UNC45B: variants seen among roughly 807,000 people sequenced by gnomAD.
UNC45B encodes the protein unc-45 myosin chaperone B.
Under a neutral mutation model 98.7 loss-of-function variants are expected in UNC45B, and 78 were observed. The observed-to-expected ratio is 0.79, with a 90% CI of 0.66 to 0.95. The LOEUF is 0.95. Ranked by LOEUF, UNC45B falls within the 40% of genes least tolerant of loss-of-function variation. The pLI is 0.00. For missense variants in UNC45B, 1,225 were observed against 1,184.9 expected (o/e 1.03, Z -0.50); for synonymous variants, 462 against 480.4 (o/e 0.96, Z 0.50).
intron 15 of UNC45B, 117 bp downstream of exon 15, chr17:35,176,151 C>A: frequency 2.0e-6 from 2 of 1,001,430 alleles, no homozygotes; most frequent in Non-Finnish European, 3.1e-6. Context: ...CAGTTATCTG[C>A]GCTGTCTGTG....
intron 10 of UNC45B, 102 bp from the exon 11 acceptor site, chr17:35,169,735 G>A (rs1380458742): frequency 3.1e-6 from 3 of 964,732 alleles, no homozygotes; most frequent in South Asian, 1.4e-5. Context: ...AAGAAAGAGG[G>A]GCGAAGTGTT....
Position 35,189,093 on chromosome 17 carries a change from T to C in UNC45B, c.*2534T>C, listed in dbSNP as rs938485891. 6.6e-6 allele frequency: 1 copy of C among 152,208 alleles called. No individual in the cohort carries two copies. Among genetic ancestry groups the C allele is most frequent in the Non-Finnish European group, 1.5e-5 (1 of 68,040 alleles). 9.4% of individuals were successfully genotyped at this position (152,208 alleles called of 1,614,324 possible). ...AATTCTCTTACAGAAAATCTATAAA[T>C]ATCTTAGAGGTATGTTTCTTAGTTT... On this transcript the variant is annotated 3_prime_UTR_variant, in exon 20 of 20. Transcript: ENST00000394570.
intron 5 of UNC45B, among the ~76,000 whole-genome samples, chr17:35,153,627 T>C (rs997295014): frequency 6.6e-6 from 1 of 152,168 alleles, no homozygotes; most frequent in Non-Finnish European, 1.5e-5. Context: ...TAGGCAAATA[T>C]CTTTCTTAAC....
At chr17:35,162,449 C>G (rs115360013) in intron 8 of UNC45B, among the ~76,000 whole-genome samples, 1 of 152,122 alleles carries the variant, frequency 6.6e-6, no homozygotes, top group South Asian at 2.1e-4. Context: ...TACTGCCAGG[C>G]GCTTTCTTTT....
At chr17:35,163,001 A>C (rs574713419) in intron 8 of UNC45B, among the ~76,000 whole-genome samples, 89 of 152,322 alleles carry the variant, frequency 5.8e-4, no homozygotes, top group African/African-American at 2.1e-3. Context: ...CTTTGAAATC[A>C]GACGGGATTG....
At position 35,170,117 on chromosome 17, in the gene UNC45B, G is replaced by A. The variant is rs1237412903; in HGVS notation, c.1551G>A (p.Trp517Ter). Residue 517 changes from tryptophan (W) to a stop codon, truncating the protein, a stop_gained, in exon 12 of 20, where the codon TGG becomes TGA. Coordinates refer to ENST00000394570, the MANE Select transcript of UNC45B (RefSeq NM_001267052.2). LOFTEE classifies it high-confidence loss of function. The stretch of plus-strand genomic sequence containing the variant: ...TGTGCTCCCTCCTCACTTCCAGGTG[G>A]CTGTGCAATATGTCCATAGACACTC... ...TEKLAKQCRKWLCNMSIDTRT... is the reference protein window; with the variant it reads ...TEKLAKQCRK 2 of 1,608,378 alleles carry A rather than the reference G, an allele frequency of 1.2e-6. No individual in the cohort carries two copies. The highest frequency in any genetic ancestry group is 1.7e-6 in the Non-Finnish European group (2 of 1,175,938).
chr17:35,170,010 G>A, intron 11 of UNC45B, 79 bp downstream of exon 11: 1 of 1,608,764 alleles, frequency 6.2e-7, no homozygotes, highest in Non-Finnish European at 8.5e-7. Flanking sequence ...TGCTCTAGTG[G>A]AGTGTGAAAG....
intron 10 of UNC45B, 39 bp downstream of exon 10, chr17:35,168,400 GTGCCA>G: frequency 7.6e-7 from 1 of 1,310,598 alleles, no homozygotes; most frequent in Non-Finnish European, 9.8e-7. Flanking sequence ...TCAGTACAAG[GTGCCA>G]TGCCAGGCAC....
At position 35,186,476 on chromosome 17, in the gene UNC45B, G is replaced by A. The variant is rs1477072473; in HGVS notation, c.2707G>A (p.Glu903Lys). Residue 903 changes from glutamate (E) to lysine (K), a missense_variant, in exon 20 of 20, where the codon GAG becomes AAG. Physicochemically the swap from Glu to Lys is moderately conservative, Grantham distance 56. Coordinates refer to ENST00000394570, the MANE Select transcript of UNC45B (RefSeq NM_001267052.2). The stretch of plus-strand genomic sequence containing the variant: ...TGTGGTGGGCAAACAGGAGCCAGAT[G>A]AGAAGAAGGCAGAAGTGGTTCAGAC... ...LTVVGKQEPD[E>K]KKAEVVQTAR... 1.9e-6 allele frequency: 3 copies of A among 1,614,126 alleles called. No individual in the cohort carries two copies. In the African/African-American group the frequency reaches 4.0e-5, roughly 22 times the overall value.
intron 8 of UNC45B, 69 bp downstream of exon 8, chr17:35,159,614 A>G: frequency 6.5e-7 from 1 of 1,541,684 alleles, no homozygotes; most frequent in Non-Finnish European, 8.8e-7. Flanking sequence ...TGAACAGAAA[A>G]TGGAAGATGT....
chr17:35,188,824 T>C lies in UNC45B; in HGVS notation c.*2265T>C, dbSNP rs1302853407. On this transcript the variant is annotated 3_prime_UTR_variant, in exon 20 of 20. Coordinates refer to ENST00000394570, the MANE Select transcript of UNC45B (RefSeq NM_001267052.2). The stretch of plus-strand genomic sequence containing the variant: ...TGGCTAAGTCTTCATGGGAGGCCTT[T>C]AAGAAAAGCTGTGACAAATACCTTT... The C allele has an allele frequency of 6.6e-6, 1 of 152,220 alleles. No individual in the cohort carries two copies. Among genetic ancestry groups the C allele is most frequent in the Non-Finnish European group, 1.5e-5 (1 of 68,034 alleles). 9.4% of individuals were successfully genotyped at this position (152,220 alleles called of 1,614,324 possible). A position where few individuals can be genotyped will look rare whatever the true frequency, so the allele number is the denominator to read the frequency against.
chr17:35,162,584 A>G (rs2092109431), intron 8 of UNC45B, among the ~76,000 whole-genome samples: 1 of 150,134 alleles, frequency 6.7e-6, no homozygotes, highest in African/African-American at 2.4e-5. Context: ...CCACCAAGCC[A>G]CTTCCAGGCA....
intron 14 of UNC45B, among the ~76,000 whole-genome samples, chr17:35,175,522 G>C (rs982205276): frequency 6.6e-6 from 1 of 152,182 alleles, no homozygotes; most frequent in Non-Finnish European, 1.5e-5. Context: ...TCCAGGCAGA[G>C]AGAATAGCAT....
intron 17 of UNC45B, 88 bp from the exon 18 acceptor site, chr17:35,180,471 T>A: frequency 1.0e-6 from 1 of 985,828 alleles, no homozygotes; most frequent in Non-Finnish European, 1.6e-6. Flanking sequence ...AGCACCAGAA[T>A]GGAAGAATGG....
chr17:35,168,160 G>A lies in UNC45B; in HGVS notation c.1251G>A (p.Leu417=), dbSNP rs1318534590. The A allele has an allele frequency of 1.2e-6, 2 of 1,605,978 alleles. No homozygotes were observed. Among genetic ancestry groups the A allele is most frequent in the African/African-American group, 1.3e-5 (1 of 74,498 alleles). The change falls in exon 10 of 20, where the codon CTG becomes CTA. Residue 417 remains leucine (L), a synonymous_variant. Coordinates refer to ENST00000394570, the MANE Select transcript of UNC45B (RefSeq NM_001267052.2). ...CCTTTGACCTGGGCAACCAGCTGCT[G>A]GGACTGAAAGGTGTGATGGAGATGA... ...QGPFDLGNQL[L]GLKGVMEMMV...
chr17:35,181,447 A>C (rs990320448), intron 18 of UNC45B, among the ~76,000 whole-genome samples: 2 of 152,078 alleles, frequency 1.3e-5, no homozygotes, highest in Non-Finnish European at 2.9e-5. Context: ...TACCCTCAAC[A>C]CCTGAACCTT....
At chr17:35,153,711 G>GT (rs74268004) in intron 5 of UNC45B, among the ~76,000 whole-genome samples, 2,009 of 139,536 alleles carry the variant, frequency 0.014, 27 homozygotes, top group East Asian at 0.041. Flanking sequence ...TGTTTATTTG[G>GT]TTTTTTTTTT....
At chr17:35,148,512 A>C in intron 2 of UNC45B, 81 bp downstream of exon 2, 3 of 1,492,590 alleles carry the variant, frequency 2.0e-6, no homozygotes, top group Non-Finnish European at 2.7e-6. Flanking sequence ...ACCCTGATAG[A>C]AATTGCCCTT....
intron 8 of UNC45B, among the ~76,000 whole-genome samples, chr17:35,163,697 A>G (rs1206628978): frequency 1.3e-5 from 2 of 152,204 alleles, no homozygotes; most frequent in Non-Finnish European, 2.9e-5. Flanking sequence ...GGAGAAGACT[A>G]TACATCAGCC....
Sources: gnomAD v4.1 joint callset for allele counts (sites outside exome capture counted in the v4.1 genomes callset) on GRCh38, gnomAD v4.1.1 for gene constraint, MANE v1.5 for transcripts, NCBI Gene and HGNC (gene_info 2026-07-23, HGNC 2026-07-21) for gene names.